The following ZNF385D variants were observed in gnomAD, a reference collection of about 807,000 sequenced individuals.
The protein encoded by ZNF385D is zinc finger protein 659.
ZNF385D carries 15 observed loss-of-function variants against 35.8 expected under a neutral mutation model. That is an observed-to-expected ratio of 0.42 (90% confidence interval 0.28 to 0.64). The LOEUF (loss-of-function observed/expected upper bound fraction) is 0.64. Among genes scored for constraint, ZNF385D ranks in the 30% least tolerant of loss-of-function variants. The pLI is 0.23. For missense variants in ZNF385D, 474 were observed against 494.6 expected (o/e 0.96, Z 0.39); for synonymous variants, 212 against 186.8 (o/e 1.13, Z -1.10).
At chr3:22,243,143 T>C (rs1216875122) in intron 2 of ZNF385D, among the ~76,000 whole-genome samples, 1 of 150,798 alleles carries the variant, frequency 6.6e-6, no homozygotes, top group Non-Finnish European at 1.5e-5. Context: ...AAGGGTCTAG[T>C]ATCTAGAATA....
intron 3 of ZNF385D, among the ~76,000 whole-genome samples, chr3:21,973,568 G>A (rs971747874): frequency 1.3e-4 from 19 of 151,926 alleles, no homozygotes; most frequent in Non-Finnish European, 2.4e-4. Context: ...GTACTAGCTA[G>A]ACCAATAGGA....
chr3:22,040,309 C>T (rs1229190826), intron 3 of ZNF385D, among the ~76,000 whole-genome samples: 7 of 152,132 alleles, frequency 4.6e-5, no homozygotes, highest in Admixed American at 4.6e-4. Flanking sequence ...ATATTATTCA[C>T]ATTTAATTCT....
chr3:21,875,705 C>A (rs1010770997), intron 3 of ZNF385D, among the ~76,000 whole-genome samples: 2 of 152,056 alleles, frequency 1.3e-5, no homozygotes, highest in South Asian at 4.1e-4. Context: ...CCAGGCCAGC[C>A]TTTGATATCA....
intron 3 of ZNF385D, among the ~76,000 whole-genome samples, chr3:21,773,341 A>T (rs1364774201): frequency 6.6e-6 from 1 of 151,904 alleles, no homozygotes; most frequent in Non-Finnish European, 1.5e-5. Context: ...CTCTTTTAAA[A>T]ACAGGAGTCT....
chr3:21,543,051 G>A (rs1463116708), intron 3 of ZNF385D: 4 of 152,702 alleles, frequency 2.6e-5, no homozygotes, highest in African/African-American at 7.2e-5. Context: ...GGTGGCTGAT[G>A]CCTGTAATTC....
intron 3 of ZNF385D, among the ~76,000 whole-genome samples, chr3:21,760,532 T>C (rs2070557699): frequency 6.6e-6 from 1 of 152,230 alleles, no homozygotes; most frequent in Admixed American, 6.5e-5. Flanking sequence ...ACATTTCATA[T>C]TTAAAATTAT....
chr3:22,111,430 C>G (rs1702531498), intron 3 of ZNF385D, among the ~76,000 whole-genome samples: 1 of 151,926 alleles, frequency 6.6e-6, no homozygotes, highest in African/African-American at 2.4e-5. Flanking sequence ...AAAGTGAGCC[C>G]TACCACAGGG....
intron 3 of ZNF385D, among the ~76,000 whole-genome samples, chr3:22,031,288 C>T (rs1020290296): frequency 4.6e-5 from 7 of 152,330 alleles, no homozygotes; most frequent in African/African-American, 1.4e-4. Flanking sequence ...CCACATTTCC[C>T]TTGCATATTG....
intron 2 of ZNF385D, among the ~76,000 whole-genome samples, chr3:22,329,675 T>G (rs1013707625): frequency 6.6e-6 from 1 of 152,168 alleles, no homozygotes; most frequent in Non-Finnish European, 1.5e-5. Context: ...GAGTAAATAT[T>G]ATATAGATCA....
At chr3:21,765,876 G>C (rs2125597352) in intron 3 of ZNF385D, among the ~76,000 whole-genome samples, 1 of 152,126 alleles carries the variant, frequency 6.6e-6, no homozygotes, top group South Asian at 2.1e-4. Context: ...TTTCCCTGTG[G>C]CAACTTTAAT....
intron 3 of ZNF385D, among the ~76,000 whole-genome samples, chr3:21,806,934 C>A (rs1019205890): frequency 6.6e-6 from 1 of 152,182 alleles, no homozygotes; most frequent in Non-Finnish European, 1.5e-5. Flanking sequence ...TATTTATCTC[C>A]AAACAGAAAT....
intron 3 of ZNF385D, among the ~76,000 whole-genome samples, chr3:22,130,982 T>C (rs892820473): frequency 2.0e-5 from 3 of 151,764 alleles, no homozygotes; most frequent in Non-Finnish European, 2.9e-5. Flanking sequence ...GGAAGACAGA[T>C]CCAGGCTAAA....
intron 2 of ZNF385D, among the ~76,000 whole-genome samples, chr3:22,259,731 G>A (rs1022839652): frequency 6.6e-6 from 1 of 151,888 alleles, no homozygotes; most frequent in African/African-American, 2.4e-5. Context: ...AGAACACACT[G>A]GTCCTTATAT....
intron 2 of ZNF385D, among the ~76,000 whole-genome samples, chr3:22,204,465 A>G (rs1187629566): frequency 1.3e-5 from 2 of 152,058 alleles, no homozygotes; most frequent in African/African-American, 4.8e-5. Context: ...ATGAACATCC[A>G]CAAGCATCAA....
chr3:22,285,276 C>T (rs746903301), intron 2 of ZNF385D, among the ~76,000 whole-genome samples: 2 of 152,156 alleles, frequency 1.3e-5, no homozygotes, highest in Non-Finnish European at 2.9e-5. Context: ...AACCCTCCAC[C>T]ACATTCCTTT....
intron 2 of ZNF385D, among the ~76,000 whole-genome samples, chr3:21,585,553 C>G (rs2063785100): frequency 6.6e-6 from 1 of 152,152 alleles, no homozygotes. Flanking sequence ...AGGAAATGTA[C>G]TAGTACTATA....
At chr3:21,750,806 C>T in intron 1 of ZNF385D, 89 bp downstream of exon 1, 5 of 1,552,942 alleles carry the variant, frequency 3.2e-6, no homozygotes, top group Admixed American at 1.7e-5. Context: ...GTAACATATT[C>T]TTGCTGCTTA....
intron 3 of ZNF385D, among the ~76,000 whole-genome samples, chr3:21,853,982 A>T (rs1696563872): frequency 6.6e-6 from 1 of 151,924 alleles, no homozygotes; most frequent in Admixed American, 6.6e-5. Context: ...TTCTGGGATG[A>T]TAAAATATTC....
At chr3:21,749,467 G>C (rs1249994746) in intron 1 of ZNF385D, among the ~76,000 whole-genome samples, 1 of 152,138 alleles carries the variant, frequency 6.6e-6, no homozygotes, top group African/African-American at 2.4e-5. Flanking sequence ...TATCATTACT[G>C]ATGCTGAAAT....
Sources: allele counts gnomAD v4.1 joint callset (sites outside exome capture counted in the v4.1 genomes callset), GRCh38; gene constraint gnomAD v4.1.1; transcripts MANE v1.5; gene names NCBI Gene and HGNC (gene_info 2026-07-23, HGNC 2026-07-21).